CYP24A1: variants seen among roughly 807,000 people sequenced by gnomAD.
CYP24A1 encodes cytochrome P450 family 24 subfamily A member 1.
In CYP24A1, 68 loss-of-function variants were observed where a neutral mutation model predicts 62.4. That is an observed-to-expected ratio of 1.09 (90% CI 0.90 to 1.33). The LOEUF is 1.33. CYP24A1 is among the 40% of genes most tolerant of loss of function. The pLI is 0.00. For synonymous variants in CYP24A1, 267 were observed against 253.0 expected (o/e 1.06, Z -0.52); for missense variants, 787 against 653.0 (o/e 1.21, Z -2.24).
At chr20:54,148,642 C>G (rs1568960963), downstream of CYP24A1, among the ~76,000 whole-genome samples, 3 of 152,100 alleles carry the variant, frequency 2.0e-5, no homozygotes, top group South Asian at 4.2e-4. Context: ...CATGTCAAAA[C>G]AAACAAACAA....
chr20:54,165,100 T>C (rs753783611), intron 5 of CYP24A1, among the ~76,000 whole-genome samples: 1 of 152,264 alleles, frequency 6.6e-6, no homozygotes, highest in Non-Finnish European at 1.5e-5. Context: ...TACGTGCATA[T>C]ATCCAGGGGT....
At chr20:54,155,499 C>T (rs747641764) in intron 11 of CYP24A1, among the ~76,000 whole-genome samples, 4 of 151,994 alleles carry the variant, frequency 2.6e-5, no homozygotes, top group African/African-American at 7.2e-5. Flanking sequence ...TTTGGGAGGC[C>T]GAGGCGGGTG....
chr20:54,144,571 G>C, the CYP24A1 span, among the ~76,000 whole-genome samples: 2 of 150,582 alleles, frequency 1.3e-5, no homozygotes, highest in African/African-American at 4.9e-5. Flanking sequence ...TTATTAGTTT[G>C]TTATATTACC....
chr20:54,156,516 T>C (rs1210491412), intron 11 of CYP24A1, among the ~76,000 whole-genome samples: 7 of 152,132 alleles, frequency 4.6e-5, no homozygotes, highest in Non-Finnish European at 1.0e-4. Flanking sequence ...CCTGTAACCA[T>C]GAAGAACTAA....
At chr20:54,169,781 C>T (rs2092687875) in intron 3 of CYP24A1, 93 bp from the exon 4 acceptor site, 10 of 1,580,194 alleles carry the variant, frequency 6.3e-6, no homozygotes, top group East Asian at 2.3e-5. Context: ...GGTCTTGCTA[C>T]ATCGCATATT....
Position 54,173,256 on chromosome 20 carries a change from G to T in CYP24A1, c.258+66C>A. The T allele has an allele frequency of 1.3e-6, 2 of 1,538,772 alleles. No individual in the cohort carries two copies. Among genetic ancestry groups the T allele is most frequent in the South Asian group, 1.1e-5 (1 of 88,312 alleles). On this transcript the variant is annotated intron_variant, in intron 1 of 11. Coordinates refer to ENST00000216862, the MANE Select transcript of CYP24A1 (RefSeq NM_000782.5). The surrounding 1 kb of genome is among the most constrained non-coding windows in gnomAD (Gnocchi z 7.2). The stretch of plus-strand genomic sequence containing the variant: ...CGCCCGAGGCGCGCATGTCGGGGAG[G>T]GTTTGGAGCGCCACTGGGAGGGCGG...
At position 54,173,139 on chromosome 20, in the gene CYP24A1, C is replaced by T. The variant is rs772806651; in HGVS notation, c.259-40G>A. Reference sequence around the variant, plus strand: ...GCACAGCGCGGTGTCAGCGCGCATCCTCCGCCGTGCCCGAAGCGCTTTCCC... The same window carrying T: ...GCACAGCGCGGTGTCAGCGCGCATCTTCCGCCGTGCCCGAAGCGCTTTCCC... On this transcript the variant is annotated intron_variant, in intron 1 of 11. Coordinates refer to ENST00000216862, the MANE Select transcript of CYP24A1 (RefSeq NM_000782.5). This position sits in a 1 kb window ranked among gnomAD's most constrained non-coding sequence, Gnocchi z 7.2. The T allele has an allele frequency of 3.8e-6, 6 of 1,594,116 alleles. No individual in the cohort carries two copies. In the East Asian group the frequency reaches 1.3e-4, roughly 36 times the overall value.
downstream of CYP24A1, among the ~76,000 whole-genome samples, chr20:54,148,657 A>G (rs1482310337): frequency 1.3e-5 from 2 of 152,174 alleles, no homozygotes; most frequent in Admixed American, 6.5e-5. Context: ...AAACAAACAA[A>G]AAACCAGCAA....
In CYP24A1 at chr20:54,173,556, G is replaced by T; in HGVS notation, c.24C>A (p.Ser8Arg). 1 of 1,581,600 alleles carries T rather than the reference G, an allele frequency of 6.3e-7. No individual in the cohort carries two copies. Among genetic ancestry groups the T allele is most frequent in the Non-Finnish European group, 8.6e-7 (1 of 1,168,200 alleles). MSSPISK[S>R]RSLAAFLQQL... is the part of the protein sequence containing the mutation. ...GCTGCAGGAAGGCGGCAAGCGAGCG[G>T]CTCTTGCTGATGGGGGAGCTCATGG... Residue 8 changes from serine to arginine, a missense_variant, in exon 1 of 12, where the codon AGC (serine) becomes AGA (arginine). Ser to Arg is a moderately radical substitution (Grantham distance 110). Transcript: ENST00000216862. The surrounding 1 kb of genome is among the most constrained non-coding windows in gnomAD (Gnocchi z 7.2).
In CYP24A1 at chr20:54,168,508, G is replaced by A. The variant is rs150971141; in HGVS notation, c.640+1084C>T. Among the ~76,000 whole-genome samples, 234 of 152,168 alleles carry A rather than the reference G, an allele frequency of 1.5e-3. 1 individual carries two copies. The highest frequency in any genetic ancestry group is 0.014 in the South Asian group (67 of 4,796). On this transcript the variant is annotated intron_variant, in intron 4 of 11. Coordinates refer to ENST00000216862, the MANE Select transcript of CYP24A1 (RefSeq NM_000782.5). ...CAGCTTGAAGTTCCTCAAACTCGGC[G>A]CTCATGCTTCCACCTCCTGGCATTT...
Position 54,169,706 on chromosome 20 carries a change from G to T in CYP24A1, c.544-18C>A, listed in dbSNP as rs200439033. ...GCCAAGACCTTCAAAGAAAACAACCGCAAAAGACACATTTTAAAGCCGTTG... is the reference window on the plus strand; with the variant it reads ...GCCAAGACCTTCAAAGAAAACAACCTCAAAAGACACATTTTAAAGCCGTTG... On this transcript the variant is annotated intron_variant, in intron 3 of 11. Transcript: ENST00000216862. The T allele has an allele frequency of 5.0e-6, 8 of 1,613,600 alleles. No homozygotes were observed. Among genetic ancestry groups the T allele is most frequent in the Non-Finnish European group, 6.8e-6 (8 of 1,179,834 alleles).
At chr20:54,165,342 T>C (rs1399021646) in intron 5 of CYP24A1, among the ~76,000 whole-genome samples, 2 of 152,270 alleles carry the variant, frequency 1.3e-5, no homozygotes, top group Non-Finnish European at 2.9e-5. Context: ...GATCTGTCAC[T>C]GTCTCCCATC....
intron 4 of CYP24A1, among the ~76,000 whole-genome samples, chr20:54,166,875 A>G (rs994081438): frequency 6.6e-6 from 1 of 152,122 alleles, no homozygotes; most frequent in African/African-American, 2.4e-5. Context: ...CTACAAAAAA[A>G]TAAAAATAAA....
At position 54,173,406 on chromosome 20, in the gene CYP24A1, C is replaced by G; in HGVS notation, c.174G>C (p.Leu58=). The G allele has an allele frequency of 6.3e-7, 1 of 1,580,132 alleles. No individual in the cohort carries two copies. The change falls in exon 1 of 12, where the codon CTG becomes CTC. Residue 58 remains leucine (L), a synonymous_variant. Transcript: ENST00000216862. The surrounding 1 kb of genome is among the most constrained non-coding windows in gnomAD (Gnocchi z 7.2). The part of the protein sequence containing the change: ...AGGETQNAAA[L]PGPTSWPLLG... The stretch of plus-strand genomic sequence containing the variant: ...GCAGTGGCCAGCTGGTGGGGCCCGG[C>G]AGGGCGGCCGCGTTCTGAGTCTCGC...
At chr20:54,149,720 A>G (rs1202101348), downstream of CYP24A1, among the ~76,000 whole-genome samples, 1 of 152,160 alleles carries the variant, frequency 6.6e-6, no homozygotes, top group Non-Finnish European at 1.5e-5. Context: ...ACATCCAACC[A>G]TCCATGCTTG....
intron 4 of CYP24A1, 79 bp downstream of exon 4, chr20:54,169,511 CAA>C: frequency 1.2e-6 from 2 of 1,605,854 alleles, no homozygotes; most frequent in South Asian, 2.2e-5. Context: ...TGCCTGTTTA[CAA>C]AAGAGTTGTC....
At chr20:54,158,329 A>G (rs1475617798) in intron 8 of CYP24A1, among the ~76,000 whole-genome samples, 165 bp from the exon 9 acceptor site, 2 of 152,212 alleles carry the variant, frequency 1.3e-5, no homozygotes, top group African/African-American at 4.8e-5. Flanking sequence ...CTTCTCAATA[A>G]TTGTATCTCT....
chr20:54,158,405 T>C (rs2092637513), intron 8 of CYP24A1, among the ~76,000 whole-genome samples: 1 of 152,222 alleles, frequency 6.6e-6, no homozygotes, highest in Admixed American at 6.5e-5. Flanking sequence ...ACTGTTAACG[T>C]TGGTTTTCCC....
rs1404937273 is a variant in CYP24A1 at position 54,153,863 on chromosome 20, C to G, written c.*909G>C. ...AGATCTCTAACTTTTGCATGCTTTA[C>G]ACTTGTCCCATTTAATAGACAGAAA... On this transcript the variant is annotated 3_prime_UTR_variant, in exon 12 of 12. Transcript: ENST00000216862. 6.6e-6 allele frequency: 1 copy of G among 152,566 alleles called. No homozygotes were observed. Among genetic ancestry groups the G allele is most frequent in the African/African-American group, 2.4e-5 (1 of 41,420 alleles). The allele number at this position is 152,566 out of a possible 1,614,324, so 9.5% of individuals were successfully genotyped here. A position where few individuals can be genotyped will look rare whatever the true frequency, so the allele number is the denominator to read the frequency against.
Sources: gnomAD v4.1 joint callset for allele counts (sites outside exome capture counted in the v4.1 genomes callset) on GRCh38, gnomAD v4.1.1 for gene constraint, Gnocchi (gnomAD v3.1) non-coding constraint, MANE v1.5 for transcripts, NCBI Gene and HGNC (gene_info 2026-07-23, HGNC 2026-07-21) for gene names.